Variants in TMEM245 observed in about 807,000 individuals in gnomAD.
TMEM245 encodes transmembrane protein 245.
In TMEM245, 69 loss-of-function variants were observed where a neutral mutation model predicts 101.2. The observed-to-expected ratio is 0.68, with a 90% CI of 0.56 to 0.83. The LOEUF is 0.83. Ranked by LOEUF, TMEM245 falls within the 40% of genes least tolerant of loss-of-function variation. The pLI is 0.00. For synonymous variants in TMEM245, 537 were observed against 449.8 expected, an observed-to-expected ratio of 1.19 and a Z score of -2.45; for missense variants, 1,075 against 1,092.8, an observed-to-expected ratio of 0.98 and a Z score of 0.23.
intron 3 of TMEM245, among the ~76,000 whole-genome samples, chr9:109,097,906 G>A (rs1588073031): frequency 6.6e-6 from 1 of 152,300 alleles, no homozygotes; most frequent in Admixed American, 6.5e-5. Flanking sequence ...GCGACAGAGA[G>A]AGATTCCGTC....
intron 17 of TMEM245, among the ~76,000 whole-genome samples, chr9:109,032,807 C>CTTT (rs568749155): frequency 4.8e-4 from 59 of 123,132 alleles, no homozygotes; most frequent in East Asian, 9.5e-4. Flanking sequence ...CAATATAGGT[C>CTTT]TTTTTTTTTT....
chr9:109,082,095 T>C (rs1003774135), intron 7 of TMEM245, among the ~76,000 whole-genome samples: 4 of 152,192 alleles, frequency 2.6e-5, no homozygotes, highest in Non-Finnish European at 5.9e-5. Flanking sequence ...GAATTAAACA[T>C]CCAAAAGCAA....
intron 8 of TMEM245, among the ~76,000 whole-genome samples, chr9:109,079,218 T>G (rs72760343): frequency 6.6e-6 from 1 of 152,030 alleles, no homozygotes; most frequent in South Asian, 2.1e-4. Context: ...CATGTTGTTT[T>G]ATTCTTGATT....
intron 1 of TMEM245, 106 bp downstream of exon 1, chr9:109,119,229 G>A (rs1830821177): frequency 1.9e-6 from 2 of 1,080,402 alleles, no homozygotes; most frequent in Admixed American, 6.0e-5. Context: ...CTGCAGCACA[G>A]GTGTGGCCCC....
intron 1 of TMEM245, among the ~76,000 whole-genome samples, chr9:109,111,303 G>A (rs1444138159): frequency 1.3e-5 from 2 of 152,090 alleles, no homozygotes; most frequent in East Asian, 3.8e-4. Flanking sequence ...AAGTGTTTGA[G>A]CAAACGTTGA....
chr9:109,036,859 C>T (rs1204627847), intron 15 of TMEM245, among the ~76,000 whole-genome samples: 1 of 152,186 alleles, frequency 6.6e-6, no homozygotes, highest in East Asian at 1.9e-4. Context: ...ACTCTTCCTC[C>T]ATCTGGCTTC....
At chr9:109,082,175 C>G (rs1367376877) in intron 7 of TMEM245, among the ~76,000 whole-genome samples, 3 of 152,124 alleles carry the variant, frequency 2.0e-5, no homozygotes, top group African/African-American at 4.8e-5. Context: ...TAAGCTTGTG[C>G]CCCCCTTATC....
Position 109,050,429 on chromosome 9 carries a change from C to A in TMEM245, c.1978-1G>T. 6.2e-7 allele frequency: 1 copy of A among 1,613,878 alleles called. No individual in the cohort carries two copies. The highest frequency in any genetic ancestry group is 8.5e-7 in the Non-Finnish European group (1 of 1,179,896). ...AAAATAGTGTGGTCAGGAAAATTATCTGCAAAACAAAGGACAACATCTCCT... is the reference window on the plus strand; with the variant it reads ...AAAATAGTGTGGTCAGGAAAATTATATGCAAAACAAAGGACAACATCTCCT... On this transcript the variant is annotated splice_acceptor_variant, in intron 13 of 17. Coordinates refer to ENST00000374586, the MANE Select transcript of TMEM245 (RefSeq NM_032012.4). LOFTEE classifies it high-confidence loss of function.
At chr9:109,072,427 C>G (rs1829361869) in intron 9 of TMEM245, among the ~76,000 whole-genome samples, 1 of 152,158 alleles carries the variant, frequency 6.6e-6, no homozygotes, top group Non-Finnish European at 1.5e-5. Flanking sequence ...GTGTTTTCAC[C>G]CTGAACATCT....
At position 109,041,453 on chromosome 9, in the gene TMEM245, ATTTTTT is replaced by A. The variant is rs1193341550; in HGVS notation, c.2124-3342_2124-3337del. Among the ~76,000 whole-genome samples, 576 of 83,256 alleles carry A rather than the reference ATTTTTT, an allele frequency of 6.9e-3. 3 individuals are homozygous for A. Among genetic ancestry groups the A allele is most frequent in the African/African-American group, 0.028 (554 of 19,988 alleles). The allele number at this position is 83,256 out of a possible 152,430, so 54.6% of individuals were successfully genotyped here. The stretch of plus-strand genomic sequence containing the variant: ...GTAGGATGTGGTTGCCATCCTACAA[ATTTTTT>A]TTTTTTTTTTTTTTTTTTTTTTGAG... On this transcript the variant is annotated intron_variant, in intron 14 of 17. Coordinates refer to ENST00000374586, the MANE Select transcript of TMEM245 (RefSeq NM_032012.4).
Position 109,091,150 on chromosome 9 carries a change from C to G in TMEM245, c.922G>C (p.Val308Leu). The change falls in exon 5 of 18, where the codon GTG (valine) becomes CTG (leucine). Residue 308 changes from valine (V) to leucine (L), a missense_variant. By Grantham distance (32) the Val-to-Leu change is conservative. This residue lies in a region of TMEM245 where 808 missense variants were observed against 741.5 expected (regional missense o/e 1.09). Transcript: ENST00000374586. ...DQPSTQPAEA[V>L]DRGESAPTLS... is the part of the protein sequence containing the mutation. ...GTTGGAGCGGATTCTCCCCTGTCCA[C>G]TGCTTCTGAAAAGGAAAAGAAAAAC... The G allele has an allele frequency of 6.2e-7, 1 of 1,613,040 alleles. No homozygotes were observed. Among genetic ancestry groups the G allele is most frequent in the Non-Finnish European group, 8.5e-7 (1 of 1,179,424 alleles).
chr9:109,061,076 GA>G (rs1277842676), intron 10 of TMEM245, among the ~76,000 whole-genome samples: 1 of 152,194 alleles, frequency 6.6e-6, no homozygotes, highest in East Asian at 1.9e-4. Context: ...CACACTTTCA[GA>G]GGCTGAGGTG....
At chr9:109,111,934 A>G (rs16913840) in intron 1 of TMEM245, among the ~76,000 whole-genome samples, 8,997 of 152,256 alleles carry the variant, frequency 0.059, 901 homozygotes, top group African/African-American at 0.21. Flanking sequence ...GTTATGTAGT[A>G]TCTTTATAAA....
intron 1 of TMEM245, among the ~76,000 whole-genome samples, chr9:109,114,394 T>C (rs571675892): frequency 6.6e-6 from 1 of 152,338 alleles, no homozygotes; most frequent in South Asian, 2.1e-4. Flanking sequence ...CGTCCACTGC[T>C]GAAGAGCCTC....
intron 16 of TMEM245, among the ~76,000 whole-genome samples, chr9:109,033,715 C>G (rs569094220): frequency 1.3e-5 from 2 of 152,342 alleles, no homozygotes; most frequent in East Asian, 3.9e-4. Flanking sequence ...TGGATGACAT[C>G]TGCCTCTTTT....
At chr9:109,058,023 C>T (rs1226782670) in intron 11 of TMEM245, among the ~76,000 whole-genome samples, 2 of 125,504 alleles carry the variant, frequency 1.6e-5, no homozygotes, top group East Asian at 5.0e-4. Flanking sequence ...TTTTTTGGGA[C>T]GGGGTCTTGC....
intron 7 of TMEM245, among the ~76,000 whole-genome samples, chr9:109,084,747 C>T (rs1207516102): frequency 6.6e-6 from 1 of 152,176 alleles, no homozygotes; most frequent in Non-Finnish European, 1.5e-5. Context: ...TAAAACGTGA[C>T]TTATATTTGC....
intron 8 of TMEM245, among the ~76,000 whole-genome samples, chr9:109,075,683 T>C (rs1056361234): frequency 3.3e-5 from 5 of 152,244 alleles, no homozygotes; most frequent in East Asian, 3.8e-4. Flanking sequence ...CCGTGACATA[T>C]GCAGAGATGT....
At chr9:109,029,736 C>T (rs1275333807) in intron 17 of TMEM245, among the ~76,000 whole-genome samples, 1 of 152,308 alleles carries the variant, frequency 6.6e-6, no homozygotes. Context: ...AAGGTGACCG[C>T]TGAACAGCAA....
Sources: gnomAD v4.1 joint callset for allele counts (sites outside exome capture counted in the v4.1 genomes callset) on GRCh38, gnomAD v4.1.1 for gene constraint, gnomAD v4.1.1 regional missense constraint, MANE v1.5 for transcripts, NCBI Gene and HGNC (gene_info 2026-07-23, HGNC 2026-07-21) for gene names.